The following SORL1 variants were observed in gnomAD, a reference collection of about 807,000 sequenced individuals.
The protein encoded by SORL1 is sortilin related receptor 1, also known as sortilin-related receptor.
SORL1 carries 127 observed loss-of-function variants against 273.7 expected under a neutral mutation model. The observed-to-expected ratio is 0.46, with a 90% confidence interval of 0.40 to 0.54. The LOEUF (loss-of-function observed/expected upper bound fraction) is 0.54, where lower values mean the gene tolerates loss of function less well. Ranked by LOEUF, SORL1 falls within the 20% of genes least tolerant of loss-of-function variation. The pLI is 0.00. For synonymous variants in SORL1, 1,031 were observed against 1,067.4 expected (o/e 0.97, Z 0.66); for missense variants, 2,494 against 2,846.1 (o/e 0.88, Z 2.81).
At chr11:121,508,524 A>G (rs578185968) in intron 6 of SORL1, among the ~76,000 whole-genome samples, 16 of 152,328 alleles carry the variant, frequency 1.1e-4, no homozygotes, top group African/African-American at 3.8e-4. Flanking sequence ...AAGTCAGGCT[A>G]TGTAAAGACA....
chr11:121,598,393 A>C (rs1477220523), intron 32 of SORL1, among the ~76,000 whole-genome samples: 1 of 152,194 alleles, frequency 6.6e-6, no homozygotes, highest in Non-Finnish European at 1.5e-5. Context: ...GTGAAAGCTG[A>C]TGCTACCAGC....
At chr11:121,464,371 G>C (rs1861051585) in intron 1 of SORL1, among the ~76,000 whole-genome samples, 2 of 152,198 alleles carry the variant, frequency 1.3e-5, no homozygotes, top group South Asian at 4.1e-4. Flanking sequence ...AATTCCCCCA[G>C]AAGTGCTCTG....
chr11:121,576,560 C>T (rs1482127954), intron 24 of SORL1, among the ~76,000 whole-genome samples: 2 of 152,232 alleles, frequency 1.3e-5, no homozygotes, highest in Non-Finnish European at 2.9e-5. Flanking sequence ...TTCCTAGCCT[C>T]CAGAACCGAG....
chr11:121,554,022 C>T lies in SORL1; in HGVS notation c.2352C>T (p.Leu784=). The T allele has an allele frequency of 6.2e-7, 1 of 1,614,208 alleles. No individual in the cohort carries two copies. Among genetic ancestry groups the T allele is most frequent in the South Asian group, 1.1e-5 (1 of 91,078 alleles). Residue 784 remains leucine, a synonymous_variant, in exon 17 of 48, where the codon CTC becomes CTT. Coordinates refer to ENST00000260197, the MANE Select transcript of SORL1 (RefSeq NM_003105.6). This position sits in a 1 kb window ranked among gnomAD's most constrained non-coding sequence, Gnocchi z 4.6. ...LASGATEQLP[L]TGLRAAVALD... ...CGGGAGCCACCGAGCAGTTGCCTCT[C>T]ACCGGGCTACGGGCAGCAGTGGCCC...
intron 1 of SORL1, among the ~76,000 whole-genome samples, chr11:121,455,297 G>A (rs1481926789): frequency 3.3e-5 from 5 of 152,220 alleles, no homozygotes; most frequent in African/African-American, 1.2e-4. Flanking sequence ...GGGAGATGGA[G>A]AGATAAGGGG....
In SORL1 at chr11:121,482,016, A is replaced by C. The variant is rs1056750415; in HGVS notation, c.528+3773A>C. Among the ~76,000 whole-genome samples, 43 of 152,044 alleles carry C rather than the reference A, an allele frequency of 2.8e-4. No individual in the cohort carries two copies. Among genetic ancestry groups the C allele is most frequent in the African/African-American group, 1.0e-3 (42 of 41,358 alleles). ...CATCTCTTCTTCCCCAGCTTCTTCC[A>C]TAGTACACAGATGCCTATAGGTGGG... On this transcript the variant is annotated intron_variant, in intron 3 of 47. Coordinates refer to ENST00000260197, the MANE Select transcript of SORL1 (RefSeq NM_003105.6).
chr11:121,570,359 G>A (rs1161491925), intron 23 of SORL1, 89 bp downstream of exon 23: 5 of 858,040 alleles, frequency 5.8e-6, no homozygotes, highest in South Asian at 1.6e-5. Context: ...GGTCTAGGGC[G>A]AGGGCCACCC....
intron 6 of SORL1, among the ~76,000 whole-genome samples, chr11:121,504,825 G>T (rs1174004831): frequency 3.3e-5 from 5 of 152,024 alleles, no homozygotes; most frequent in Admixed American, 1.3e-4. Context: ...TAACTGTGAG[G>T]TTTTTCTAGA....
intron 11 of SORL1, among the ~76,000 whole-genome samples, chr11:121,530,175 T>C (rs1423194765): frequency 6.6e-6 from 1 of 152,224 alleles, no homozygotes; most frequent in East Asian, 1.9e-4. Flanking sequence ...TTGTTTTTGC[T>C]TCAAATTATC....
chr11:121,604,585 G>T (rs1225318402), intron 33 of SORL1, among the ~76,000 whole-genome samples: 6 of 151,542 alleles, frequency 4.0e-5, no homozygotes, highest in South Asian at 2.1e-4. Flanking sequence ...CCCACCTCAT[G>T]CCCATACACC....
chr11:121,603,317 A>G (rs556578497), intron 32 of SORL1, among the ~76,000 whole-genome samples: 1 of 152,340 alleles, frequency 6.6e-6, no homozygotes, highest in South Asian at 2.1e-4. Context: ...GTGAATCTGT[A>G]TAAGGAAGGC....
intron 14 of SORL1, among the ~76,000 whole-genome samples, chr11:121,549,024 C>T (rs138766280): frequency 6.6e-6 from 1 of 152,296 alleles, no homozygotes; most frequent in Non-Finnish European, 1.5e-5. Flanking sequence ...ATTCATAGTA[C>T]AGTCACCTCG....
chr11:121,513,240 C>T (rs1861904482), intron 7 of SORL1, 136 bp downstream of exon 7: 3 of 697,234 alleles, frequency 4.3e-6, no homozygotes, highest in South Asian at 3.2e-5. Context: ...CTAGAGAGTG[C>T]AGCTATGCTT....
chr11:121,589,497 G>A (rs769087308), intron 29 of SORL1, 107 bp downstream of exon 29: 123 of 1,386,668 alleles, frequency 8.9e-5, no homozygotes, highest in Non-Finnish European at 1.1e-4. Context: ...TGGCCTTCCC[G>A]TAACTCAGCA....
intron 16 of SORL1, among the ~76,000 whole-genome samples, chr11:121,552,878 C>T (rs547028701): frequency 6.6e-6 from 1 of 152,296 alleles, no homozygotes; most frequent in African/African-American, 2.4e-5. Flanking sequence ...AACACACTGT[C>T]AAGATGCACA....
chr11:121,467,650 T>C (rs1353799470), intron 1 of SORL1, among the ~76,000 whole-genome samples: 1 of 152,158 alleles, frequency 6.6e-6, no homozygotes, highest in Non-Finnish European at 1.5e-5. Flanking sequence ...AACTTTTAGC[T>C]GGGATTCCCA....
chr11:121,520,517 A>G (rs1862023692), intron 8 of SORL1, 140 bp from the exon 9 acceptor site: 2 of 547,658 alleles, frequency 3.7e-6, no homozygotes, highest in Non-Finnish European at 6.3e-6. Flanking sequence ...CTGGAACTAG[A>G]TAGTAATGAT....
chr11:121,608,556 A>C, intron 38 of SORL1: 1 of 208,946 alleles, frequency 4.8e-6, no homozygotes, highest in East Asian at 1.3e-4. Context: ...CACCATGCTG[A>C]CTCTTGTTAT....
intron 16 of SORL1, among the ~76,000 whole-genome samples, chr11:121,552,468 G>A (rs965356158): frequency 6.6e-6 from 1 of 152,204 alleles, no homozygotes; most frequent in African/African-American, 2.4e-5. Flanking sequence ...AAAAAGCCCA[G>A]AGTGACAGAA....
Sources: gnomAD v4.1 joint callset for allele counts (sites outside exome capture counted in the v4.1 genomes callset) on GRCh38, gnomAD v4.1.1 for gene constraint, Gnocchi (gnomAD v3.1) non-coding constraint, MANE v1.5 for transcripts, NCBI Gene and HGNC (gene_info 2026-07-23, HGNC 2026-07-21) for gene names.